HPSE2: variants seen among roughly 807,000 people sequenced by gnomAD.
HPSE2 encodes the protein heparanase 2 (inactive), also known as inactive heparanase-2.
In HPSE2, 38 loss-of-function variants were observed where a neutral mutation model predicts 60.5. The observed-to-expected ratio is 0.63, with a 90% confidence interval of 0.48 to 0.82. The LOEUF (loss-of-function observed/expected upper bound fraction) is 0.82. Ranked by LOEUF, HPSE2 falls within the 40% of genes least tolerant of loss-of-function variation. HPSE2 has a pLI of 0.00. For missense variants in HPSE2, 713 were observed against 740.4 expected (o/e 0.96, Z 0.43); for synonymous variants, 295 against 293.2 (o/e 1.01, Z -0.06).
At chr10:99,288,405 T>A in the HPSE2 span, among the ~76,000 whole-genome samples, 1 of 152,102 alleles carries the variant, frequency 6.6e-6, no homozygotes, top group Non-Finnish European at 1.5e-5. Flanking sequence ...CAACTAGGTA[T>A]CTTGAAGTTC....
intron 2 of HPSE2, among the ~76,000 whole-genome samples, chr10:99,197,110 T>C (rs116972804): frequency 0.011 from 1,738 of 152,250 alleles, 22 homozygotes; most frequent in Non-Finnish European, 0.02. Context: ...TTAAGTGAAA[T>C]AAGCCAGGCA....
chr10:98,971,441 T>G (rs1955950338), intron 3 of HPSE2, among the ~76,000 whole-genome samples: 1 of 152,168 alleles, frequency 6.6e-6, no homozygotes, highest in Non-Finnish European at 1.5e-5. Context: ...CACATTCATA[T>G]CCCCATTCAT....
chr10:99,217,734 C>G (rs10786523), intron 2 of HPSE2, among the ~76,000 whole-genome samples: 82,712 of 151,768 alleles, frequency 0.54, 24,357 homozygotes, highest in East Asian at 0.66. Context: ...GACTACAGGT[C>G]TGTGCCACCA....
intron 3 of HPSE2, among the ~76,000 whole-genome samples, chr10:98,851,693 T>G (rs1331029580): frequency 1.3e-5 from 2 of 152,294 alleles, no homozygotes; most frequent in South Asian, 4.1e-4. Flanking sequence ...AATGTTGACT[T>G]CTTGAGTCAT....
intron 4 of HPSE2, among the ~76,000 whole-genome samples, chr10:98,734,017 T>A (rs1301983581): frequency 6.6e-6 from 1 of 152,204 alleles, no homozygotes. Flanking sequence ...TCACCCCTCA[T>A]GGGCTCCCCA....
intron 4 of HPSE2, among the ~76,000 whole-genome samples, chr10:98,740,960 T>A (rs1949481563): frequency 6.6e-6 from 1 of 152,194 alleles, no homozygotes; most frequent in African/African-American, 2.4e-5. Flanking sequence ...GAGATGATTC[T>A]AGTACAAGAA....
chr10:99,002,727 G>A (rs1011358902), intron 3 of HPSE2, among the ~76,000 whole-genome samples: 10 of 151,418 alleles, frequency 6.6e-5, no homozygotes, highest in Non-Finnish European at 1.5e-4. Context: ...TATGGGCTTT[G>A]GTTAATTTTT....
At chr10:99,102,394 A>C (rs1001066431) in intron 3 of HPSE2, among the ~76,000 whole-genome samples, 82 of 152,170 alleles carry the variant, frequency 5.4e-4, no homozygotes, top group Non-Finnish European at 8.2e-4. Context: ...GAAATGGATA[A>C]ATTCCTGGAC....
intron 6 of HPSE2, among the ~76,000 whole-genome samples, chr10:98,671,862 T>G (rs2134113580): frequency 6.6e-6 from 1 of 152,264 alleles, no homozygotes; most frequent in South Asian, 2.1e-4. Context: ...TGCATTAGCT[T>G]GGAGGAGCAC....
chr10:99,104,471 A>C (rs34375005), intron 3 of HPSE2, among the ~76,000 whole-genome samples: 373 of 152,342 alleles, frequency 2.4e-3, no homozygotes, highest in African/African-American at 4.7e-3. Context: ...GTGGGACTGT[A>C]AACTAGTTCA....
chr10:98,462,880 C>T (rs1480698140), intron 11 of HPSE2, among the ~76,000 whole-genome samples: 4 of 152,096 alleles, frequency 2.6e-5, no homozygotes, highest in South Asian at 2.1e-4. Context: ...TCTGTATCTC[C>T]ACTTGGCTGT....
chr10:99,019,949 T>G (rs1957225651), intron 3 of HPSE2, among the ~76,000 whole-genome samples: 1 of 152,052 alleles, frequency 6.6e-6, no homozygotes, highest in Non-Finnish European at 1.5e-5. Flanking sequence ...TGACCTCAAG[T>G]CATCTGCCCA....
At position 98,986,920 on chromosome 10, in the gene HPSE2, A is replaced by G. The variant is rs372155485; in HGVS notation, c.610+157318T>C. Among the ~76,000 whole-genome samples the G allele has an allele frequency of 2.0e-5, 3 of 152,330 alleles. No homozygotes were observed. The South Asian group carries it at 6.2e-4, about 32-fold the overall frequency. On this transcript the variant is annotated intron_variant, in intron 3 of 11. Coordinates refer to ENST00000370552, the MANE Select transcript of HPSE2 (RefSeq NM_021828.5). ...GAAATGGATAAATTTCTCGGCACATAAACCCTCCCAAGACTAAACCAGGAA... is the reference window on the plus strand; with the variant it reads ...GAAATGGATAAATTTCTCGGCACATGAACCCTCCCAAGACTAAACCAGGAA...
At chr10:99,204,409 G>T (rs544566459) in intron 2 of HPSE2, among the ~76,000 whole-genome samples, 3 of 152,230 alleles carry the variant, frequency 2.0e-5, no homozygotes, top group Non-Finnish European at 1.5e-5. Flanking sequence ...CTGCTTAAGG[G>T]CTTTCCTAGA....
chr10:98,551,263 T>G (rs1361826043), intron 9 of HPSE2, among the ~76,000 whole-genome samples: 1 of 152,136 alleles, frequency 6.6e-6, no homozygotes, highest in Non-Finnish European at 1.5e-5. Context: ...AAGATCATAC[T>G]GACAGCGCTG....
At chr10:98,855,802 A>G (rs1589954703) in intron 3 of HPSE2, among the ~76,000 whole-genome samples, 1 of 152,182 alleles carries the variant, frequency 6.6e-6, no homozygotes, top group South Asian at 2.1e-4. Context: ...ATGAGTAACA[A>G]ATAGTGGCAA....
At chr10:99,173,537 TTTAGTAAATTTTATTTGTGATACAAA>T (rs1270648736) in intron 2 of HPSE2, among the ~76,000 whole-genome samples, 6 of 151,848 alleles carry the variant, frequency 4.0e-5, no homozygotes, top group Admixed American at 3.3e-4. Context: ...TTTGAGGAAC[TTTAGTAAATTTTATTTGTGATACAAA>T]TTAGATCTGA....
chr10:98,815,541 A>G (rs544094029), intron 3 of HPSE2, among the ~76,000 whole-genome samples: 1 of 152,290 alleles, frequency 6.6e-6, no homozygotes, highest in South Asian at 2.1e-4. Context: ...GTTTGGGAGG[A>G]TATGCCCTGG....
intron 3 of HPSE2, among the ~76,000 whole-genome samples, chr10:98,748,931 A>C (rs1949690547): frequency 6.6e-6 from 1 of 152,196 alleles, no homozygotes; most frequent in African/African-American, 2.4e-5. Flanking sequence ...AATTAGATTT[A>C]GGTTGTGATG....
Sources: gnomAD v4.1 joint callset for allele counts (sites outside exome capture counted in the v4.1 genomes callset) on GRCh38, gnomAD v4.1.1 for gene constraint, MANE v1.5 for transcripts, NCBI Gene and HGNC (gene_info 2026-07-23, HGNC 2026-07-21) for gene names.